Variants in NKAIN2 observed in about 807,000 individuals in gnomAD.
NKAIN2 encodes the protein sodium/potassium-transporting ATPase subunit beta-1-interacting protein 2.
NKAIN2 carries 14 observed loss-of-function variants against 32.6 expected under a neutral mutation model. The observed-to-expected ratio is 0.43, with a 90% CI of 0.28 to 0.67. NKAIN2 has a LOEUF of 0.67. NKAIN2 is among the 30% of genes least tolerant of loss of function. NKAIN2 has a pLI of 0.17. For synonymous variants in NKAIN2, 80 were observed against 87.2 expected (o/e 0.92, Z 0.46); for missense variants, 198 against 258.3 (o/e 0.77, Z 1.60).
chr6:123,919,197 CAT>C (rs1284376591), intron 1 of NKAIN2, among the ~76,000 whole-genome samples: 5 of 152,178 alleles, frequency 3.3e-5, no homozygotes, highest in South Asian at 2.1e-4. Flanking sequence ...ATATCAGTAA[CAT>C]ATATCATAAA....
At chr6:124,678,906 G>A (rs1483391719) in intron 4 of NKAIN2, among the ~76,000 whole-genome samples, 1 of 152,192 alleles carries the variant, frequency 6.6e-6, no homozygotes, top group East Asian at 1.9e-4. Flanking sequence ...TTCTATGGAT[G>A]AATCTTCTCT....
intron 3 of NKAIN2, among the ~76,000 whole-genome samples, chr6:124,529,286 C>T (rs1483199959): frequency 3.3e-5 from 5 of 152,164 alleles, no homozygotes; most frequent in East Asian, 1.9e-4. Context: ...CTAAAAGGTA[C>T]GGGGCCCACC....
At chr6:124,562,511 T>C (rs1780733524) in intron 3 of NKAIN2, among the ~76,000 whole-genome samples, 1 of 152,236 alleles carries the variant, frequency 6.6e-6, no homozygotes, top group Admixed American at 6.5e-5. Context: ...TTCTTTACTG[T>C]CTTGAAAATT....
At chr6:124,011,361 A>G (rs4571585) in intron 1 of NKAIN2, among the ~76,000 whole-genome samples, 61,694 of 150,492 alleles carry the variant, frequency 0.41, 12,743 homozygotes, top group East Asian at 0.57. Context: ...ATTTTGAACT[A>G]TCATAAAGTG....
At chr6:123,897,283 T>C (rs1420121798) in intron 1 of NKAIN2, among the ~76,000 whole-genome samples, 1 of 152,192 alleles carries the variant, frequency 6.6e-6, no homozygotes, top group Non-Finnish European at 1.5e-5. Flanking sequence ...CTCTGTTTGC[T>C]ACTTATTCCC....
At chr6:124,111,632 A>G (rs73565480) in intron 1 of NKAIN2, among the ~76,000 whole-genome samples, 9,646 of 151,766 alleles carry the variant, frequency 0.064, 743 homozygotes, top group African/African-American at 0.17. Context: ...CAGTCACTCT[A>G]TGTCTTTTGA....
intron 1 of NKAIN2, among the ~76,000 whole-genome samples, chr6:124,028,823 A>G (rs1268883148): frequency 2.2e-5 from 3 of 137,704 alleles, no homozygotes; most frequent in Non-Finnish European, 4.5e-5. Flanking sequence ...GTATATGTGT[A>G]TATATATACA....
intron 3 of NKAIN2, 36 bp from the exon 4 acceptor site, chr6:124,658,150 A>C (rs774120169): frequency 8.6e-5 from 127 of 1,484,522 alleles, no homozygotes; most frequent in Non-Finnish European, 1.1e-4. Context: ...AACATTTATA[A>C]AGTAATTCTC....
At chr6:124,760,954 A>G (rs544204603) in intron 4 of NKAIN2, among the ~76,000 whole-genome samples, 1 of 152,304 alleles carries the variant, frequency 6.6e-6, no homozygotes, top group East Asian at 1.9e-4. Context: ...GGCACATAGT[A>G]GGCACCCAGC....
intron 1 of NKAIN2, among the ~76,000 whole-genome samples, chr6:124,247,194 C>A (rs1202335866): frequency 6.6e-6 from 1 of 152,020 alleles, no homozygotes; most frequent in African/African-American, 2.4e-5. Flanking sequence ...TGGAGCCAAC[C>A]TAAAAGTAAC....
intron 1 of NKAIN2, among the ~76,000 whole-genome samples, chr6:123,912,361 G>T (rs1237788216): frequency 1.3e-5 from 2 of 151,814 alleles, no homozygotes; most frequent in African/African-American, 4.8e-5. Flanking sequence ...TTAATTTATG[G>T]CACACTTTAG....
intron 1 of NKAIN2, among the ~76,000 whole-genome samples, chr6:123,997,114 T>C (rs982741593): frequency 6.6e-6 from 1 of 152,206 alleles, no homozygotes; most frequent in Non-Finnish European, 1.5e-5. Flanking sequence ...ACCATGTCAG[T>C]AGATCTAGTA....
intron 1 of NKAIN2, among the ~76,000 whole-genome samples, chr6:124,128,401 G>A (rs1027943808): frequency 2.6e-5 from 4 of 152,128 alleles, no homozygotes; most frequent in East Asian, 1.9e-4. Flanking sequence ...ATAGTCACAT[G>A]TAGTTATGGG....
At chr6:124,312,933 G>T (rs550824166) in intron 2 of NKAIN2, among the ~76,000 whole-genome samples, 1 of 152,222 alleles carries the variant, frequency 6.6e-6, no homozygotes, top group Non-Finnish European at 1.5e-5. Context: ...TTAGAGTCAC[G>T]CCTTGGGCAG....
At chr6:124,681,523 T>C (rs1345141233) in intron 4 of NKAIN2, among the ~76,000 whole-genome samples, 1 of 152,074 alleles carries the variant, frequency 6.6e-6, no homozygotes, top group Non-Finnish European at 1.5e-5. Context: ...TGTTACTTAA[T>C]TGCTATTTTC....
intron 3 of NKAIN2, among the ~76,000 whole-genome samples, chr6:124,621,442 A>G (rs9375346): frequency 0.11 from 16,739 of 152,152 alleles, 1,396 homozygotes; most frequent in East Asian, 0.42. Context: ...TGGTTTCAAC[A>G]TTGCCTCCAT....
At chr6:124,523,389 C>A (rs1779196057) in intron 3 of NKAIN2, among the ~76,000 whole-genome samples, 1 of 151,834 alleles carries the variant, frequency 6.6e-6, no homozygotes, top group Non-Finnish European at 1.5e-5. Context: ...GGCAAATTAT[C>A]CTTGGGAGGA....
chr6:124,479,565 C>T (rs1185398583), intron 3 of NKAIN2, among the ~76,000 whole-genome samples: 1 of 152,014 alleles, frequency 6.6e-6, no homozygotes, highest in African/African-American at 2.4e-5. Flanking sequence ...GAGGCATGGG[C>T]AAATGTAAGA....
chr6:124,589,100 A>T (rs1781815102), intron 3 of NKAIN2, among the ~76,000 whole-genome samples: 3 of 152,328 alleles, frequency 2.0e-5, no homozygotes, highest in Admixed American at 2.0e-4. Flanking sequence ...ATACTTATAT[A>T]GTTACATATA....
Sources: allele counts gnomAD v4.1 joint callset (sites outside exome capture counted in the v4.1 genomes callset), GRCh38; gene constraint gnomAD v4.1.1; transcripts MANE v1.5; gene names NCBI Gene and HGNC (gene_info 2026-07-23, HGNC 2026-07-21).